NYAP2: variants seen among roughly 807,000 people sequenced by gnomAD.
NYAP2 encodes the protein neuronal tyrosine-phosphorylated phosphoinositide-3-kinase adapter 2.
NYAP2 carries 23 observed loss-of-function variants against 50.4 expected under a neutral mutation model. That is an observed-to-expected ratio of 0.46 (90% CI 0.33 to 0.65). The LOEUF (loss-of-function observed/expected upper bound fraction) is 0.65. Ranked by LOEUF, NYAP2 falls within the 30% of genes least tolerant of loss-of-function variation. NYAP2 has a pLI of 0.02. For synonymous variants in NYAP2, 394 were observed against 365.2 expected (o/e 1.08, Z -0.90); for missense variants, 885 against 861.0 (o/e 1.03, Z -0.35).
intron 3 of NYAP2, among the ~76,000 whole-genome samples, chr2:225,426,063 T>G (rs1695282095): frequency 6.6e-6 from 1 of 151,998 alleles, no homozygotes; most frequent in Non-Finnish European, 1.5e-5. Context: ...AATTAATTCT[T>G]GATAATTGAA....
intron 6 of NYAP2, among the ~76,000 whole-genome samples, chr2:225,650,975 A>T (rs570150202): frequency 2.4e-4 from 36 of 152,368 alleles, no homozygotes; most frequent in African/African-American, 8.4e-4. Flanking sequence ...TGAGTTGAAG[A>T]AATGTTACAT....
At chr2:225,585,100 A>G (rs1225861810) in intron 5 of NYAP2, among the ~76,000 whole-genome samples, 1 of 152,266 alleles carries the variant, frequency 6.6e-6, no homozygotes, top group Non-Finnish European at 1.5e-5. Context: ...CCAAGGCTGG[A>G]AAACCCTGGT....
chr2:225,551,949 A>G (rs1691686017), intron 4 of NYAP2, among the ~76,000 whole-genome samples: 1 of 152,200 alleles, frequency 6.6e-6, no homozygotes, highest in Non-Finnish European at 1.5e-5. Flanking sequence ...AATAGCTGGG[A>G]TTACAGGTGT....
At chr2:225,693,043 T>A in the NYAP2 span, among the ~76,000 whole-genome samples, 1 of 152,118 alleles carries the variant, frequency 6.6e-6, no homozygotes, top group South Asian at 2.1e-4. Context: ...TACATTACCA[T>A]GGTTCATGTG....
chr2:225,449,366 A>G (rs187855433), intron 3 of NYAP2, among the ~76,000 whole-genome samples: 12 of 152,322 alleles, frequency 7.9e-5, no homozygotes, highest in Admixed American at 1.3e-4. Context: ...AACTCTTATA[A>G]TGTGATAGAT....
chr2:225,419,586 G>T (rs964904223), intron 3 of NYAP2, among the ~76,000 whole-genome samples: 2 of 152,186 alleles, frequency 1.3e-5, no homozygotes, highest in Admixed American at 6.5e-5. Context: ...TTTTGAATTG[G>T]AAATAACAAT....
intron 3 of NYAP2, among the ~76,000 whole-genome samples, chr2:225,416,850 CTCAG>C (rs1196564606): frequency 6.6e-6 from 1 of 152,156 alleles, no homozygotes. Context: ...ATGTGAGCTA[CTCAG>C]TCAGCATGAG....
chr2:225,588,685 A>C (rs17482476), intron 5 of NYAP2, among the ~76,000 whole-genome samples: 15,942 of 152,278 alleles, frequency 0.1, 951 homozygotes, highest in South Asian at 0.13. Context: ...GTAAGAAAAA[A>C]AGAAGGGTCT....
rs200933705 is a variant in NYAP2, at chr2:225,624,827, CT to C, written c.1619-2087del. Among the ~76,000 whole-genome samples the C allele has an allele frequency of 2.5e-3, 379 of 151,800 alleles. 5 individuals carry two copies. The highest frequency in any genetic ancestry group is 8.9e-3 in the African/African-American group (367 of 41,410). On this transcript the variant is annotated intron_variant, in intron 5 of 6. Coordinates refer to ENST00000636099, the Ensembl canonical transcript of NYAP2. ...GGAAGTTAGGTAGGGCTGGTATTTT[CT>C]TTGTTTTGTACGTAAGAAAAATGAG...
intron 4 of NYAP2, among the ~76,000 whole-genome samples, chr2:225,565,443 C>T (rs925130240): frequency 2.0e-5 from 3 of 152,116 alleles, no homozygotes; most frequent in Non-Finnish European, 2.9e-5. Flanking sequence ...ATATTGGTCT[C>T]ATAGTTCAAT....
chr2:225,572,780 G>A (rs1483582671), intron 4 of NYAP2, among the ~76,000 whole-genome samples: 1 of 152,190 alleles, frequency 6.6e-6, no homozygotes, highest in East Asian at 1.9e-4. Flanking sequence ...AGCATGCTGA[G>A]TCCATGTCCA....
At chr2:225,587,714 C>G (rs1276440394) in intron 5 of NYAP2, among the ~76,000 whole-genome samples, 1 of 151,760 alleles carries the variant, frequency 6.6e-6, no homozygotes, top group Non-Finnish European at 1.5e-5. Flanking sequence ...ACAGGTAGAA[C>G]AGGGCAGAAG....
At chr2:225,551,238 A>G (rs1691669412) in intron 4 of NYAP2, among the ~76,000 whole-genome samples, 1 of 152,238 alleles carries the variant, frequency 6.6e-6, no homozygotes. Context: ...GGCTTTGGCC[A>G]TATGATTTGC....
chr2:225,417,639 C>T (rs1016433034), intron 3 of NYAP2, among the ~76,000 whole-genome samples: 4 of 151,956 alleles, frequency 2.6e-5, no homozygotes, highest in Non-Finnish European at 5.9e-5. Context: ...ATTGCATTTT[C>T]GTCTCTGATT....
chr2:225,582,571 C>A lies in NYAP2; in HGVS notation c.1154C>A (p.Ser385Tyr). 1 of 1,593,640 alleles carries A rather than the reference C, an allele frequency of 6.3e-7. No homozygotes were observed. Among genetic ancestry groups the A allele is most frequent in the East Asian group, 2.3e-5 (1 of 44,026 alleles). The change falls in exon 5 of 7, where the codon TCC (serine) becomes TAC (tyrosine). Residue 385 changes from serine (S) to tyrosine (Y), a missense_variant. Physicochemically the swap from Ser to Tyr is moderately radical, Grantham distance 144. Transcript: ENST00000636099. This position sits in a 1 kb window ranked among gnomAD's most constrained non-coding sequence, Gnocchi z 7.0. Reference sequence around the variant, plus strand: ...GGGGCGTCGCCCTCCACGCTGCCGTCCCACGTCCCCGGCCATGCGAAACTG... The same window carrying A: ...GGGGCGTCGCCCTCCACGCTGCCGTACCACGTCCCCGGCCATGCGAAACTG...
At position 225,555,427 on chromosome 2, in the gene NYAP2, G is replaced by A. The variant is rs977869313; in HGVS notation, c.524-26514G>A. ...TTTTTTTAGAGTTGCCATCACAACC[G>A]AAGATTCTATGTTGTTAAAATCTCT... On this transcript the variant is annotated intron_variant, in intron 4 of 6. Transcript: ENST00000636099. Among the ~76,000 whole-genome samples, 5 of 152,050 alleles carry A rather than the reference G, an allele frequency of 3.3e-5. No homozygotes were observed. In the East Asian group the frequency reaches 5.8e-4, roughly 18 times the overall value.
intron 3 of NYAP2, among the ~76,000 whole-genome samples, chr2:225,434,067 G>C (rs1689328803): frequency 6.6e-6 from 1 of 152,160 alleles, no homozygotes; most frequent in Non-Finnish European, 1.5e-5. Context: ...GGGAGGGTTT[G>C]TGTGAATATT....
chr2:225,582,085 C>G lies in NYAP2; in HGVS notation c.668C>G (p.Pro223Arg). Residue 223 changes from proline to arginine, a missense_variant, in exon 5 of 7, where the codon CCG (proline) becomes CGG (arginine). Pro to Arg is a moderately radical substitution (Grantham distance 103, BLOSUM62 -2). Coordinates refer to ENST00000636099, the Ensembl canonical transcript of NYAP2. This position sits in a 1 kb window ranked among gnomAD's most constrained non-coding sequence, Gnocchi z 7.0. The stretch of plus-strand genomic sequence containing the variant: ...CATGGGCCCCGGAGGACGTCGCTGC[C>G]GCGGGACTCCTCCTTGTCCCAGATG... 6.2e-7 allele frequency: 1 copy of G among 1,614,020 alleles called. No homozygotes were observed. The highest frequency in any genetic ancestry group is 8.5e-7 in the Non-Finnish European group (1 of 1,179,890).
intron 6 of NYAP2, among the ~76,000 whole-genome samples, chr2:225,629,405 G>GA (rs1221043274): frequency 2.6e-5 from 4 of 152,194 alleles, no homozygotes; most frequent in Non-Finnish European, 5.9e-5. Flanking sequence ...TATACACCCA[G>GA]AAAAAATGTT....
Sources: allele counts gnomAD v4.1 joint callset (sites outside exome capture counted in the v4.1 genomes callset), GRCh38; gene constraint gnomAD v4.1.1; non-coding constraint Gnocchi (gnomAD v3.1); transcripts MANE v1.5; gene names NCBI Gene and HGNC (gene_info 2026-07-23, HGNC 2026-07-21).